UBP1: variants seen among roughly 807,000 people sequenced by gnomAD.
The protein encoded by UBP1 is upstream binding protein 1.
UBP1 carries 22 observed loss-of-function variants against 76.1 expected under a neutral mutation model. The observed-to-expected ratio is 0.29, with a 90% CI of 0.21 to 0.41. The LOEUF is 0.41. Among genes scored for constraint, UBP1 ranks in the 10% least tolerant of loss-of-function variants. UBP1 has a pLI of 1.00. For missense variants in UBP1, 436 were observed against 668.1 expected, an observed-to-expected ratio of 0.65 and a Z score of 3.83; for synonymous variants, 224 against 237.1, an observed-to-expected ratio of 0.94 and a Z score of 0.51.
At chr3:33,439,711 T>G (rs2045260303) in intron 1 of UBP1, 25 bp downstream of exon 1, 1 of 1,607,868 alleles carries the variant, frequency 6.2e-7, no homozygotes, top group Admixed American at 1.7e-5. Flanking sequence ...GACAGAGGCT[T>G]CTCCCCGCCC....
At chr3:33,422,673 C>A (rs1466362977) in intron 2 of UBP1, among the ~76,000 whole-genome samples, 1 of 141,134 alleles carries the variant, frequency 7.1e-6, no homozygotes, top group East Asian at 2.1e-4. Flanking sequence ...TGCAATAAGT[C>A]ATGATTGTAC....
chr3:33,401,130 T>G (rs1166511077), intron 9 of UBP1, 114 bp from the exon 10 acceptor site: 1 of 919,544 alleles, frequency 1.1e-6, no homozygotes, highest in East Asian at 3.0e-5. Flanking sequence ...AAGGCAACAG[T>G]GGGAGACAGC....
chr3:33,430,576 G>GGAA (rs2045096018), intron 1 of UBP1, among the ~76,000 whole-genome samples: 1 of 152,192 alleles, frequency 6.6e-6, no homozygotes, highest in African/African-American at 2.4e-5. Context: ...GATTTTGTCT[G>GGAA]CTGGTATTCA....
In UBP1 at chr3:33,388,618, G is replaced by C. The variant is rs937837245; in HGVS notation, c.*1713C>G. On this transcript the variant is annotated 3_prime_UTR_variant, in exon 16 of 16. Transcript: ENST00000283629. ...CCAAAAAGGAATGCTAAATAGACAA[G>C]CAAAACTTTTAAAACAAACGAGATA... 1 of 152,284 alleles carries C rather than the reference G, an allele frequency of 6.6e-6. No homozygotes were observed. Among genetic ancestry groups the C allele is most frequent in the Non-Finnish European group, 1.5e-5 (1 of 68,026 alleles). 9.4% of individuals were successfully genotyped at this position (152,284 alleles called of 1,614,324 possible). A position where few individuals can be genotyped will look rare whatever the true frequency, so the allele number is the denominator to read the frequency against.
At position 33,388,972 on chromosome 3, in the gene UBP1, CA is replaced by C. The variant is rs2043642768; in HGVS notation, c.*1358del. 1.3e-5 allele frequency: 2 copies of C among 151,694 alleles called. No individual in the cohort carries two copies. Among genetic ancestry groups the C allele is most frequent in the Non-Finnish European group, 2.9e-5 (2 of 67,974 alleles). The allele number at this position is 151,694 out of a possible 1,614,324, so 9.4% of individuals were successfully genotyped here. ...AAATCAGGACACCTGGGTATATGGACAAAGATATCCTACAATTAAAATGGAA... is the reference window on the plus strand; with the variant it reads ...AAATCAGGACACCTGGGTATATGGACAAGATATCCTACAATTAAAATGGAA... On this transcript the variant is annotated 3_prime_UTR_variant, in exon 16 of 16. Transcript: ENST00000283629.
At chr3:33,395,026 C>G (rs2043920676) in intron 13 of UBP1, among the ~76,000 whole-genome samples, 1 of 152,082 alleles carries the variant, frequency 6.6e-6, no homozygotes, top group African/African-American at 2.4e-5. Context: ...TTCCCCATAT[C>G]CCTCCACAAA....
intron 15 of UBP1, chr3:33,391,700 TATAAA>T (rs1368228505): frequency 6.6e-6 from 1 of 152,280 alleles, no homozygotes; most frequent in African/African-American, 2.4e-5. Context: ...GGACCCTGTC[TATAAA>T]CGTGTAAGAT....
At chr3:33,428,072 C>A (rs12629690) in intron 1 of UBP1, among the ~76,000 whole-genome samples, 1 of 150,874 alleles carries the variant, frequency 6.6e-6, no homozygotes, top group African/African-American at 2.4e-5. Flanking sequence ...GTCCCAGCTA[C>A]TTGGAAGGCT....
At chr3:33,425,451 A>G (rs1406577609) in intron 2 of UBP1, 139 bp downstream of exon 2, 28 of 950,508 alleles carry the variant, frequency 2.9e-5, no homozygotes, top group African/African-American at 1.6e-5. Flanking sequence ...TAAAATTCCT[A>G]CAATTTTCAT....
intron 2 of UBP1, among the ~76,000 whole-genome samples, chr3:33,418,702 T>C (rs1465586392): frequency 1.3e-5 from 2 of 151,358 alleles, no homozygotes; most frequent in Non-Finnish European, 2.9e-5. Flanking sequence ...CTACTAAAAA[T>C]ACAAAAATTA....
intron 2 of UBP1, among the ~76,000 whole-genome samples, chr3:33,418,016 G>A (rs4530480): frequency 0.18 from 27,604 of 152,072 alleles, 3,185 homozygotes; most frequent in East Asian, 0.47. Context: ...ACACCTGTAT[G>A]GGAAGAGACA....
At chr3:33,420,778 T>C (rs1394769297) in intron 2 of UBP1, among the ~76,000 whole-genome samples, 2 of 152,040 alleles carry the variant, frequency 1.3e-5, no homozygotes, top group Admixed American at 1.3e-4. Flanking sequence ...TGAGCCACCA[T>C]GCCCAGCCTA....
At chr3:33,400,041 G>A in intron 11 of UBP1, 148 bp downstream of exon 11, 1 of 446,638 alleles carries the variant, frequency 2.2e-6, no homozygotes, top group Non-Finnish European at 3.8e-6. Flanking sequence ...TCCTATTGGG[G>A]GATAGATATA....
chr3:33,405,326 T>C (rs545831075), intron 8 of UBP1, among the ~76,000 whole-genome samples: 1 of 152,182 alleles, frequency 6.6e-6, no homozygotes, highest in Non-Finnish European at 1.5e-5. Flanking sequence ...GAATGAACAA[T>C]AGCAGTGGTC....
rs2044029846 is a variant in UBP1 at position 33,397,095 on chromosome 3, T to C, written c.1221A>G (p.Gln407=). 9 of 1,602,422 alleles carry C rather than the reference T, an allele frequency of 5.6e-6. No homozygotes were observed. Among genetic ancestry groups the C allele is most frequent in the East Asian group, 2.2e-5 (1 of 44,738 alleles). Residue 407 remains glutamine (Q), a synonymous_variant, in exon 12 of 16, where the codon CAA becomes CAG. Coordinates refer to ENST00000283629, the MANE Select transcript of UBP1 (RefSeq NM_014517.5). Reference sequence around the variant, plus strand: ...GAATTCCATCGGCTGCACCACAAATTTGAACTAAATCCTCCTTTGTCAGTT... The same window carrying C: ...GAATTCCATCGGCTGCACCACAAATCTGAACTAAATCCTCCTTTGTCAGTT... ...LLKLTKEDLV[Q]ICGAADGIRL...
At chr3:33,413,044 T>C (rs1261423293) in intron 3 of UBP1, among the ~76,000 whole-genome samples, 2 of 152,138 alleles carry the variant, frequency 1.3e-5, no homozygotes, top group Non-Finnish European at 2.9e-5. Context: ...AAATTATAAA[T>C]AAAATGGTAA....
chr3:33,402,954 G>A lies in UBP1; in HGVS notation c.928-50C>T, dbSNP rs1465998959. ...TAGTGATATGCTTTTAAAATATGTG[G>A]AAGAAATATTTTTGTAATTCACTCA... On this transcript the variant is annotated intron_variant, in intron 8 of 15. Coordinates refer to ENST00000283629, the MANE Select transcript of UBP1 (RefSeq NM_014517.5). 5.5e-6 allele frequency: 8 copies of A among 1,466,366 alleles called. No homozygotes were observed. The South Asian group carries it at 8.5e-5, about 16-fold the overall frequency. The allele number at this position is 1,466,366 out of a possible 1,614,324, so 90.8% of individuals were successfully genotyped here.
rs754581679 is a variant in UBP1 at position 33,393,462 on chromosome 3, TAAAA to T, written c.1391-12_1391-9del. 19 of 1,346,388 alleles carry T rather than the reference TAAAA, an allele frequency of 1.4e-5. No individual in the cohort carries two copies. Among genetic ancestry groups the T allele is most frequent in the Non-Finnish European group, 2.0e-6 (2 of 986,324 alleles). 83.4% of individuals were successfully genotyped at this position (1,346,388 alleles called of 1,614,324 possible). ...AGTAGATTGCATGATAAACTGAAAT[TAAAA>T]AAAAAAAAAGAAAAGCATTTTAACA... On this transcript the variant is annotated splice_polypyrimidine_tract_variant and intron_variant, in intron 13 of 15. Transcript: ENST00000283629.
In UBP1 at chr3:33,390,096, T is replaced by C. The variant is rs761221728; in HGVS notation, c.*235A>G. On this transcript the variant is annotated 3_prime_UTR_variant, in exon 16 of 16. Transcript: ENST00000283629. ...AGGCAGCTATGCCTGCACCGTGGCC[T>C]CCAGAGCTGGATGCATGCTGTGCCG... The C allele has an allele frequency of 1.7e-4, 84 of 497,604 alleles. No homozygotes were observed. The highest frequency in any genetic ancestry group is 2.8e-4 in the Non-Finnish European group (79 of 277,310). 30.8% of individuals were successfully genotyped at this position (497,604 alleles called of 1,614,324 possible).
Sources: gnomAD v4.1 joint callset for allele counts (sites outside exome capture counted in the v4.1 genomes callset) on GRCh38, gnomAD v4.1.1 for gene constraint, MANE v1.5 for transcripts, NCBI Gene and HGNC (gene_info 2026-07-23, HGNC 2026-07-21) for gene names.